NUDT9: variants seen among roughly 807,000 people sequenced by gnomAD.
The protein encoded by NUDT9 is nudix hydrolase 9.
NUDT9 carries 31 observed loss-of-function variants against 41.0 expected under a neutral mutation model. The ratio of observed to expected loss-of-function variants is 0.76; its 90% confidence interval spans 0.57 to 1.02. NUDT9 has a LOEUF of 1.02. Ranked by LOEUF, NUDT9 falls within the 50% of genes least tolerant of loss-of-function variation. NUDT9 has a pLI of 0.00. For missense variants in NUDT9, 380 were observed against 431.4 expected (o/e 0.88, Z 1.06); for synonymous variants, 146 against 147.6 (o/e 0.99, Z 0.08).
At chr4:87,447,636 G>C (rs1478957131) in intron 4 of NUDT9, among the ~76,000 whole-genome samples, 1 of 152,118 alleles carries the variant, frequency 6.6e-6, no homozygotes, top group East Asian at 1.9e-4. Context: ...AGTGTATTCT[G>C]AAACTAACAT....
rs1048081849 is a variant in NUDT9, at chr4:87,458,681, A to C, written c.*660A>C. 2 of 152,248 alleles carry C rather than the reference A, an allele frequency of 1.3e-5. No individual in the cohort carries two copies. Among genetic ancestry groups the C allele is most frequent in the African/African-American group, 4.8e-5 (2 of 41,474 alleles). 9.4% of individuals were successfully genotyped at this position (152,248 alleles called of 1,614,324 possible). A position where few individuals can be genotyped will look rare whatever the true frequency, so the allele number is the denominator to read the frequency against. ...TTTTCAAAAATTCTGAATTAAAAAAAGTCCAGGAAGTTAGTAATTTAAATC... is the reference window on the plus strand; with the variant it reads ...TTTTCAAAAATTCTGAATTAAAAAACGTCCAGGAAGTTAGTAATTTAAATC... On this transcript the variant is annotated 3_prime_UTR_variant, in exon 8 of 8. Transcript: ENST00000302174.
At chr4:87,424,416 C>T (rs1243618267) in intron 1 of NUDT9, among the ~76,000 whole-genome samples, 2 of 152,198 alleles carry the variant, frequency 1.3e-5, no homozygotes, top group African/African-American at 4.8e-5. Context: ...CGCGCACGCC[C>T]GGCTAATTTT....
chr4:87,450,474 G>A (rs1722663648), intron 5 of NUDT9, among the ~76,000 whole-genome samples: 2 of 150,392 alleles, frequency 1.3e-5, no homozygotes, highest in African/African-American at 2.5e-5. Flanking sequence ...CCACCTCCTG[G>A]GTTCAAGCAA....
At chr4:87,447,476 G>GTT (rs11310721) in intron 4 of NUDT9, among the ~76,000 whole-genome samples, 6 of 143,154 alleles carry the variant, frequency 4.2e-5, no homozygotes, top group East Asian at 2.0e-4. Flanking sequence ...AGCATTGGAA[G>GTT]TTTTTTTTTT....
intron 7 of NUDT9, 94 bp downstream of exon 7, chr4:87,454,549 T>C: frequency 1.2e-6 from 1 of 802,986 alleles, no homozygotes. Flanking sequence ...ATTTAGCATC[T>C]TAAACCAATT....
chr4:87,434,937 TA>T (rs752304306), intron 1 of NUDT9, 43 bp from the exon 2 acceptor site: 160 of 1,545,028 alleles, frequency 1.0e-4, no homozygotes, highest in Non-Finnish European at 1.3e-4. Flanking sequence ...TTAATTAATA[TA>T]TTTTTGGTAT....
At chr4:87,451,144 C>T (rs998591642) in intron 5 of NUDT9, among the ~76,000 whole-genome samples, 15 of 152,224 alleles carry the variant, frequency 9.9e-5, no homozygotes, top group East Asian at 3.9e-4. Flanking sequence ...ATTAGTGAAC[C>T]ATGCAGATAT....
chr4:87,425,615 G>A (rs758617956), intron 1 of NUDT9, among the ~76,000 whole-genome samples: 26 of 147,834 alleles, frequency 1.8e-4, no homozygotes, highest in East Asian at 4.1e-4. Flanking sequence ...GGCTGGTTTC[G>A]AACTCCTGAC....
chr4:87,436,704 G>A (rs150635131), intron 2 of NUDT9, among the ~76,000 whole-genome samples: 592 of 152,196 alleles, frequency 3.9e-3, no homozygotes, highest in African/African-American at 0.013. Flanking sequence ...CTTTTTATTT[G>A]CATGTTAGAT....
chr4:87,437,477 G>A (rs943117746), intron 2 of NUDT9, among the ~76,000 whole-genome samples: 1,638 of 149,724 alleles, frequency 0.011, 49 homozygotes, highest in African/African-American at 0.038. Context: ...AGTAGCTGGG[G>A]CTACAGGTGC....
intron 3 of NUDT9, among the ~76,000 whole-genome samples, chr4:87,440,679 C>T (rs780421136): frequency 6.6e-6 from 1 of 152,124 alleles, no homozygotes; most frequent in African/African-American, 2.4e-5. Flanking sequence ...AACCCTGTCT[C>T]TACTAAAAAT....
chr4:87,435,130 G>C lies in NUDT9; in HGVS notation c.257G>C (p.Gly86Ala), dbSNP rs751363662. Reference protein sequence around the residue: ...ERSQVPNEKVGWLVEWQDYKP... With the variant: ...ERSQVPNEKVAWLVEWQDYKP... Reference sequence around the variant, plus strand: ...AGCCAGGTTCCTAATGAGAAAGTGGGCTGGCTTGTTGAGTGGCAAGACTAT... The same window carrying C: ...AGCCAGGTTCCTAATGAGAAAGTGGCCTGGCTTGTTGAGTGGCAAGACTAT... Residue 86 changes from glycine (G) to alanine (A), a missense_variant, in exon 2 of 8, where the codon GGC (glycine) becomes GCC (alanine). By Grantham distance (60) the Gly-to-Ala change is moderately conservative (BLOSUM62 0). Coordinates refer to ENST00000302174, the MANE Select transcript of NUDT9 (RefSeq NM_024047.5). The C allele has an allele frequency of 6.2e-7, 1 of 1,614,196 alleles. No individual in the cohort carries two copies. Among genetic ancestry groups the C allele is most frequent in the Non-Finnish European group, 8.5e-7 (1 of 1,180,034 alleles).
At position 87,422,852 on chromosome 4, in the gene NUDT9, C is replaced by A; in HGVS notation, c.-54C>A. 2.8e-6 allele frequency: 4 copies of A among 1,404,780 alleles called. No homozygotes were observed. The highest frequency in any genetic ancestry group is 4.0e-6 in the Non-Finnish European group (4 of 1,010,256). The allele number at this position is 1,404,780 out of a possible 1,614,324, so 87.0% of individuals were successfully genotyped here. ...CTCGGAGCTGTGGGGTGTGGGGAGG[C>A]GGAGGCACCAACTAAGAGCGACCTA... On this transcript the variant is annotated 5_prime_UTR_variant, in exon 1 of 8. Transcript: ENST00000302174.
rs1179118421 is a variant in NUDT9 at position 87,458,034 on chromosome 4, G to A, written c.*13G>A. Reference sequence around the variant, plus strand: ...CCATGCGTTGTAGCTGATGGTCTCCGTGTAAGCCAAAGGCCCACAGAGGAG... The same window carrying A: ...CCATGCGTTGTAGCTGATGGTCTCCATGTAAGCCAAAGGCCCACAGAGGAG... On this transcript the variant is annotated 3_prime_UTR_variant, in exon 8 of 8. Coordinates refer to ENST00000302174, the MANE Select transcript of NUDT9 (RefSeq NM_024047.5). 4.6e-6 allele frequency: 7 copies of A among 1,507,374 alleles called. No homozygotes were observed. Among genetic ancestry groups the A allele is most frequent in the East Asian group, 2.5e-5 (1 of 40,642 alleles). The allele number at this position is 1,507,374 out of a possible 1,614,324, so 93.4% of individuals were successfully genotyped here.
intron 3 of NUDT9, among the ~76,000 whole-genome samples, chr4:87,440,479 T>A (rs541743101): frequency 3.9e-5 from 6 of 152,354 alleles, no homozygotes; most frequent in Admixed American, 3.9e-4. Flanking sequence ...GTCTTGGTCA[T>A]CTATACAAAC....
At chr4:87,424,555 C>T (rs374877051) in intron 1 of NUDT9, among the ~76,000 whole-genome samples, 1 of 152,174 alleles carries the variant, frequency 6.6e-6, no homozygotes, top group African/African-American at 2.4e-5. Context: ...AGCCACCGCG[C>T]CCGGCCTTGG....
At chr4:87,448,749 G>A (rs1237788117) in intron 4 of NUDT9, among the ~76,000 whole-genome samples, 2 of 152,140 alleles carry the variant, frequency 1.3e-5, no homozygotes, top group East Asian at 1.9e-4. Context: ...TTACAAGTGC[G>A]AGACACTGCG....
At chr4:87,438,443 C>T (rs1426985691) in intron 3 of NUDT9, 71 bp downstream of exon 3, 4 of 846,692 alleles carry the variant, frequency 4.7e-6, no homozygotes, top group Admixed American at 3.8e-5. Context: ...TCATATTTAT[C>T]AAATCCTTGT....
At chr4:87,454,263 T>C (rs921417655) in intron 6 of NUDT9, 108 bp from the exon 7 acceptor site, 1 of 657,612 alleles carries the variant, frequency 1.5e-6, no homozygotes, top group Admixed American at 2.2e-5. Context: ...TATGTTCATG[T>C]TGTTGGGCAA....
Sources: allele counts gnomAD v4.1 joint callset (sites outside exome capture counted in the v4.1 genomes callset), GRCh38; gene constraint gnomAD v4.1.1; transcripts MANE v1.5; gene names NCBI Gene and HGNC (gene_info 2026-07-23, HGNC 2026-07-21).